The following SUGCT variants were observed in gnomAD, a reference collection of about 807,000 sequenced individuals.
SUGCT encodes the protein succinyl-CoA:glutarate CoA-transferase.
A neutral mutation model predicts 55.0 loss-of-function variants in SUGCT; 41 were observed. That is an observed-to-expected ratio of 0.74 (90% CI 0.58 to 0.97). SUGCT has a LOEUF of 0.97. Among genes scored for constraint, SUGCT ranks in the 50% least tolerant of loss-of-function variants. The probability of loss-of-function intolerance (pLI) is 0.00; values close to 1 mark genes in which losing one functional copy is unlikely to be tolerated. For synonymous variants in SUGCT, 187 were observed against 200.4 expected, an observed-to-expected ratio of 0.93 and a Z score of 0.56; for missense variants, 568 against 547.8, an observed-to-expected ratio of 1.04 and a Z score of -0.37.
intron 12 of SUGCT, among the ~76,000 whole-genome samples, chr7:40,569,071 C>G (rs1021021914): frequency 6.6e-6 from 1 of 152,178 alleles, no homozygotes; most frequent in Non-Finnish European, 1.5e-5. Flanking sequence ...ATGAGGTACT[C>G]AATTCATGTG....
chr7:40,741,013 C>T (rs1170729064), intron 12 of SUGCT, among the ~76,000 whole-genome samples: 1 of 152,114 alleles, frequency 6.6e-6, no homozygotes, highest in Non-Finnish European at 1.5e-5. Context: ...GGCATGGTGG[C>T]TCACACCTGT....
At chr7:40,552,889 A>C (rs1463746555) in intron 12 of SUGCT, among the ~76,000 whole-genome samples, 2 of 151,508 alleles carry the variant, frequency 1.3e-5, no homozygotes, top group Admixed American at 6.6e-5. Flanking sequence ...TGTTTATATG[A>C]AGCTGTGGCT....
chr7:41,003,067 A>G, the SUGCT span, among the ~76,000 whole-genome samples: 51,100 of 152,056 alleles, frequency 0.34, 9,591 homozygotes, highest in Admixed American at 0.49. Context: ...GTTTTTATAA[A>G]GTTTAAGAAA....
chr7:40,891,981 C>G, the SUGCT span, among the ~76,000 whole-genome samples: 4 of 151,846 alleles, frequency 2.6e-5, no homozygotes, highest in Non-Finnish European at 1.5e-5. Context: ...GCACTCCAGC[C>G]TGGTGACAGA....
intron 12 of SUGCT, among the ~76,000 whole-genome samples, chr7:40,637,073 A>T (rs1584180897): frequency 2.6e-5 from 4 of 152,328 alleles, no homozygotes; most frequent in South Asian, 4.2e-4. Flanking sequence ...AAGGGGAGCT[A>T]CTTTTAATAT....
intron 10 of SUGCT, 47 bp downstream of exon 10, chr7:40,449,405 G>C (rs1376453881): frequency 6.7e-7 from 1 of 1,495,250 alleles, no homozygotes; most frequent in Non-Finnish European, 9.2e-7. Context: ...TACAAAGCCA[G>C]GGAAAGTTCA....
At chr7:40,251,211 A>AT (rs1227017806) in intron 7 of SUGCT, among the ~76,000 whole-genome samples, 2 of 152,210 alleles carry the variant, frequency 1.3e-5, no homozygotes, top group African/African-American at 4.8e-5. Context: ...GCATTCGAAC[A>AT]TTCGTTCCTT....
chr7:40,219,509 G>A (rs540686593), intron 6 of SUGCT, among the ~76,000 whole-genome samples: 22 of 152,104 alleles, frequency 1.4e-4, no homozygotes, highest in Non-Finnish European at 2.1e-4. Context: ...CCAAATGAAG[G>A]GGGGAGAAAG....
intron 11 of SUGCT, among the ~76,000 whole-genome samples, chr7:40,462,281 A>G (rs542438088): frequency 3.7e-4 from 57 of 152,270 alleles, no homozygotes; most frequent in Non-Finnish European, 7.4e-4. Flanking sequence ...AATTCCAGGC[A>G]GAGTTTATGG....
At chr7:40,585,760 G>A (rs1415504538) in intron 12 of SUGCT, among the ~76,000 whole-genome samples, 1 of 152,002 alleles carries the variant, frequency 6.6e-6, no homozygotes, top group African/African-American at 2.4e-5. Flanking sequence ...TCTCACTGTG[G>A]TCCCGACCTC....
At chr7:40,472,917 G>A (rs1790472856) in intron 11 of SUGCT, among the ~76,000 whole-genome samples, 2 of 152,188 alleles carry the variant, frequency 1.3e-5, no homozygotes, top group Admixed American at 6.5e-5. Flanking sequence ...AGGAGAAATG[G>A]CTAAATTCTT....
At chr7:40,147,575 C>G (rs1584176854) in intron 1 of SUGCT, among the ~76,000 whole-genome samples, 1 of 152,242 alleles carries the variant, frequency 6.6e-6, no homozygotes, top group African/African-American at 2.4e-5. Flanking sequence ...AAATACTTTA[C>G]CCGCTCCTGC....
chr7:40,456,979 C>T (rs1234227443), intron 10 of SUGCT, among the ~76,000 whole-genome samples: 1 of 152,086 alleles, frequency 6.6e-6, no homozygotes, highest in Non-Finnish European at 1.5e-5. Flanking sequence ...TGTTAAAACA[C>T]TTGCAGTTTT....
intron 12 of SUGCT, among the ~76,000 whole-genome samples, chr7:40,643,694 A>G (rs1287911317): frequency 6.6e-6 from 1 of 152,232 alleles, no homozygotes; most frequent in African/African-American, 2.4e-5. Context: ...GATATATGCC[A>G]GTACAATGGA....
chr7:40,687,103 A>G (rs1277227471), intron 12 of SUGCT, among the ~76,000 whole-genome samples: 1 of 152,128 alleles, frequency 6.6e-6, no homozygotes, highest in Non-Finnish European at 1.5e-5. Context: ...AGCCTGTAAA[A>G]TGTTGTTACC....
intron 9 of SUGCT, among the ~76,000 whole-genome samples, chr7:40,405,954 T>C (rs771397193): frequency 8.5e-5 from 13 of 152,116 alleles, no homozygotes; most frequent in Admixed American, 3.9e-4. Flanking sequence ...TAGAGCCAAT[T>C]TATCAACATG....
the SUGCT span, among the ~76,000 whole-genome samples, chr7:40,934,739 C>T: frequency 4.8e-3 from 732 of 152,310 alleles, 3 homozygotes; most frequent in African/African-American, 0.016. Flanking sequence ...GTGTAGGACC[C>T]GCCAAGCCAG....
intron 12 of SUGCT, among the ~76,000 whole-genome samples, chr7:40,748,034 CTT>C: frequency 6.6e-6 from 1 of 152,054 alleles, no homozygotes; most frequent in Middle Eastern, 3.4e-3. Flanking sequence ...TCACATTTCT[CTT>C]GTCAGGCACT....
chr7:41,020,467 T>C, the SUGCT span, among the ~76,000 whole-genome samples: 1 of 152,182 alleles, frequency 6.6e-6, no homozygotes, highest in African/African-American at 2.4e-5. Flanking sequence ...AAACCACAGA[T>C]TTAAAATAAC....
Sources: allele counts gnomAD v4.1 joint callset (sites outside exome capture counted in the v4.1 genomes callset), GRCh38; gene constraint gnomAD v4.1.1; transcripts MANE v1.5; gene names NCBI Gene and HGNC (gene_info 2026-07-23, HGNC 2026-07-21).